CFTR: variants seen among roughly 807,000 people sequenced by gnomAD.
CFTR encodes the protein cystic fibrosis transmembrane conductance regulator.
A neutral mutation model predicts 171.6 loss-of-function variants in CFTR; 181 were observed. That is an observed-to-expected ratio of 1.05 (90% CI 0.93 to 1.19). The LOEUF is 1.19. Among genes scored for constraint, CFTR ranks in the 50% most tolerant of loss-of-function variants. The pLI, the probability that CFTR is intolerant of heterozygous loss-of-function variation, is 0.00. For synonymous variants in CFTR, 583 were observed against 608.0 expected, an observed-to-expected ratio of 0.96 and a Z score of 0.60; for missense variants, 1,968 against 1,734.7, an observed-to-expected ratio of 1.13 and a Z score of -2.39.
intron 22 of CFTR, among the ~76,000 whole-genome samples, chr7:117,641,217 T>C (rs1003567343): frequency 3.9e-5 from 6 of 152,132 alleles, no homozygotes; most frequent in African/African-American, 1.4e-4. Flanking sequence ...TATTACCAGA[T>C]TGCAAATAGT....
rs563582393 is a variant in CFTR at position 117,624,333 on chromosome 7, T to A, written c.3469-3189T>A. ...TCCTATGTGACCTAGAGGGGCATGG[T>A]CCAGGTAGATGGAGTCTGTCCTTGT... On this transcript the variant is annotated intron_variant, in intron 21 of 26. Coordinates refer to ENST00000003084, the MANE Select transcript of CFTR (RefSeq NM_000492.4). Among the ~76,000 whole-genome samples the A allele has an allele frequency of 1.6e-4, 24 of 152,214 alleles. No homozygotes were observed. The South Asian group carries it at 1.9e-3, about 12-fold the overall frequency.
intron 10 of CFTR, among the ~76,000 whole-genome samples, chr7:117,552,442 C>T (rs1306161264): frequency 6.6e-6 from 1 of 151,904 alleles, no homozygotes; most frequent in African/African-American, 2.4e-5. Flanking sequence ...GATTTTTTCC[C>T]ATGTAATAAG....
At chr7:117,515,283 G>T (rs1232824907) in intron 3 of CFTR, among the ~76,000 whole-genome samples, 1 of 151,972 alleles carries the variant, frequency 6.6e-6, no homozygotes, top group East Asian at 1.9e-4. Flanking sequence ...TATAGTTTTG[G>T]GTTTTACATT....
intron 10 of CFTR, among the ~76,000 whole-genome samples, chr7:117,551,294 A>C (rs1672378574): frequency 6.6e-6 from 1 of 152,352 alleles, no homozygotes; most frequent in East Asian, 1.9e-4. Context: ...ATATACTCTT[A>C]AGTGAATAAA....
At chr7:117,634,538 A>G (rs990466646) in intron 22 of CFTR, among the ~76,000 whole-genome samples, 3 of 152,038 alleles carry the variant, frequency 2.0e-5, no homozygotes, top group African/African-American at 7.2e-5. Flanking sequence ...CTAGTTATCC[A>G]AGGTGGAAGC....
chr7:117,544,145 C>T (rs1799100813), intron 9 of CFTR, among the ~76,000 whole-genome samples: 1 of 152,194 alleles, frequency 6.6e-6, no homozygotes, highest in African/African-American at 2.4e-5. Flanking sequence ...CTCTCAGCTG[C>T]ACTCTCAATT....
chr7:117,480,037 T>G lies in CFTR; in HGVS notation c.-58T>G. ...GCAGGCACCCAGAGTAGTAGGTCTT[T>G]GGCATTAGGAGCTTGAGCCCAGACG... is the stretch of plus-strand genomic sequence containing the variant. On this transcript the variant is annotated 5_prime_UTR_variant, in exon 1 of 27. Coordinates refer to ENST00000003084, the MANE Select transcript of CFTR (RefSeq NM_000492.4). The G allele has an allele frequency of 1.3e-6, 2 of 1,520,472 alleles. 1 individual carries two copies. The highest frequency in any genetic ancestry group is 2.7e-5 in the African/African-American group (2 of 73,254). The allele number at this position is 1,520,472 out of a possible 1,614,324, so 94.2% of individuals were successfully genotyped here. A position where few individuals can be genotyped will look rare whatever the true frequency, so the allele number is the denominator to read the frequency against.
chr7:117,547,956 G>C (rs1200728112), intron 9 of CFTR, among the ~76,000 whole-genome samples: 1 of 152,190 alleles, frequency 6.6e-6, no homozygotes, highest in Non-Finnish European at 1.5e-5. Context: ...CTTTAGGACT[G>C]TTTACTTTGA....
intron 1 of CFTR, among the ~76,000 whole-genome samples, chr7:117,481,722 A>G (rs1450545062): frequency 6.6e-6 from 1 of 152,230 alleles, no homozygotes; most frequent in Admixed American, 6.5e-5. Flanking sequence ...GGAACTGACA[A>G]TCACCTAAAA....
At chr7:117,599,700 A>AT (rs939810376) in intron 15 of CFTR, among the ~76,000 whole-genome samples, 3 of 152,144 alleles carry the variant, frequency 2.0e-5, no homozygotes, top group Admixed American at 2.0e-4. Flanking sequence ...AAAAATAGTA[A>AT]TTTTTTAAAA....
chr7:117,647,514 A>C (rs1793011444), intron 23 of CFTR: 1 of 151,776 alleles, frequency 6.6e-6, no homozygotes, highest in African/African-American at 2.4e-5. Flanking sequence ...AAATGAGCAG[A>C]TCTCATGAGA....
intron 11 of CFTR, among the ~76,000 whole-genome samples, chr7:117,560,521 A>G (rs1170235707): frequency 6.6e-6 from 1 of 152,168 alleles, no homozygotes; most frequent in Non-Finnish European, 1.5e-5. Flanking sequence ...AATGTAGCTT[A>G]AAATACAGTA....
At chr7:117,596,408 T>TCCTG (rs1451778434) in intron 15 of CFTR, among the ~76,000 whole-genome samples, 1 of 152,186 alleles carries the variant, frequency 6.6e-6, no homozygotes, top group African/African-American at 2.4e-5. Flanking sequence ...TGCAGTGGGC[T>TCCTG]CCTGCGTGGC....
chr7:117,635,903 AAT>A (rs1792820049), intron 22 of CFTR, among the ~76,000 whole-genome samples: 1 of 152,106 alleles, frequency 6.6e-6, no homozygotes, highest in Non-Finnish European at 1.5e-5. Context: ...GAGTAAGAAA[AAT>A]AGTTCTAATT....
At chr7:117,515,267 G>C (rs1798580233) in intron 3 of CFTR, among the ~76,000 whole-genome samples, 1 of 151,980 alleles carries the variant, frequency 6.6e-6, no homozygotes, top group South Asian at 2.1e-4. Flanking sequence ...TTTCTTCTAG[G>C]GTTTTTATAG....
In CFTR at chr7:117,531,098, G is replaced by C. The variant is rs397508725; in HGVS notation, c.473G>C (p.Ser158Thr). ...IGMQMRIAMF[S>T]LIYKKTLKLS... ...ATGCAGATGAGAATAGCTATGTTTA[G>C]TTTGATTTATAAGAAGGTAATACTT... The change falls in exon 4 of 27, where the codon AGT (serine) becomes ACT (threonine). Residue 158 changes from serine to threonine, a missense_variant. Ser to Thr is a moderately conservative substitution (Grantham distance 58, BLOSUM62 1). Coordinates refer to ENST00000003084, the MANE Select transcript of CFTR (RefSeq NM_000492.4). The C allele has an allele frequency of 1.7e-5, 28 of 1,612,714 alleles. No individual in the cohort carries two copies. Among genetic ancestry groups the C allele is most frequent in the Middle Eastern group, 3.3e-4 (2 of 6,076 alleles).
intron 2 of CFTR, among the ~76,000 whole-genome samples, chr7:117,505,678 C>T (rs540884468): frequency 1.3e-5 from 2 of 152,286 alleles, no homozygotes; most frequent in South Asian, 2.1e-4. Flanking sequence ...GGCTGAGTCT[C>T]GTGCCAACAG....
intron 22 of CFTR, among the ~76,000 whole-genome samples, chr7:117,639,875 G>A (rs1349288846): frequency 6.6e-6 from 1 of 152,098 alleles, no homozygotes; most frequent in African/African-American, 2.4e-5. Context: ...CTAAATTTCA[G>A]TTGACTTGTC....
chr7:117,609,744 A>G (rs1322630582), intron 18 of CFTR, among the ~76,000 whole-genome samples: 1 of 152,204 alleles, frequency 6.6e-6, no homozygotes, highest in African/African-American at 2.4e-5. Context: ...CCTAAGATTC[A>G]CCTTCATACT....
Sources: gnomAD v4.1 joint callset for allele counts (sites outside exome capture counted in the v4.1 genomes callset) on GRCh38, gnomAD v4.1.1 for gene constraint, MANE v1.5 for transcripts, NCBI Gene and HGNC (gene_info 2026-07-23, HGNC 2026-07-21) for gene names.